The following PRR14 variants were observed in gnomAD, a reference collection of about 807,000 sequenced individuals.
PRR14 encodes proline rich 14.
In PRR14, 33 loss-of-function variants were observed where a neutral mutation model predicts 57.2. The ratio of observed to expected loss-of-function variants is 0.58; its 90% CI spans 0.44 to 0.77. The LOEUF (loss-of-function observed/expected upper bound fraction) is 0.77. Ranked by LOEUF, PRR14 falls within the 30% of genes least tolerant of loss-of-function variation. The pLI is 0.00. For synonymous variants in PRR14, 303 were observed against 314.7 expected (o/e 0.96, Z 0.39); for missense variants, 716 against 788.1 (o/e 0.91, Z 1.10).
At chr16:30,653,288 G>A (rs1185345781) in intron 5 of PRR14, 77 bp from the exon 6 acceptor site, 17 of 1,518,032 alleles carry the variant, frequency 1.1e-5, no homozygotes, top group East Asian at 2.3e-5. Flanking sequence ...CAGCTATCCG[G>A]GAACTGAAAG....
At position 30,651,695 on chromosome 16, in the gene PRR14, T is replaced by C. The variant is rs1250572253; in HGVS notation, c.23+27T>C. The stretch of plus-strand genomic sequence containing the variant: ...TGAGAGCGTACCCGGGCGGCCCGCC[T>C]GTCTTGACCCCGGGAGATGGGGATC... On this transcript the variant is annotated intron_variant, in intron 2 of 11. Transcript: ENST00000300835. This position sits in a 1 kb window ranked among gnomAD's most constrained non-coding sequence, Gnocchi z 5.0. 2 of 1,611,966 alleles carry C rather than the reference T, an allele frequency of 1.2e-6. No homozygotes were observed. The highest frequency in any genetic ancestry group is 1.1e-5 in the South Asian group (1 of 91,062).
At chr16:30,653,199 G>A in intron 5 of PRR14, 96 bp downstream of exon 5, 2 of 1,420,768 alleles carry the variant, frequency 1.4e-6, no homozygotes, top group South Asian at 1.3e-5. Context: ...TTTTTCTTGG[G>A]GTGAGGAGGA....
intron 3 of PRR14, chr16:30,652,266 G>A (rs1163124097): frequency 1.7e-6 from 1 of 582,658 alleles, no homozygotes; most frequent in South Asian, 1.5e-5. Context: ...GTCTTGCTAT[G>A]TTGCACAAGC....
chr16:30,652,512 G>A lies in PRR14; in HGVS notation c.193-209G>A, dbSNP rs2052323721. On this transcript the variant is annotated intron_variant, in intron 3 of 11. Transcript: ENST00000300835. ...TTTCATTTCTCTAAACAGCGTGGAT[G>A]AGATTACCCAGGTCCTACACCTGCA... is the stretch of plus-strand genomic sequence containing the variant. 3 of 638,350 alleles carry A rather than the reference G, an allele frequency of 4.7e-6. No individual in the cohort carries two copies. The Admixed American group carries it at 8.6e-5, about 18-fold the overall frequency. 39.5% of individuals were successfully genotyped at this position (638,350 alleles called of 1,614,324 possible). A position where few individuals can be genotyped will look rare whatever the true frequency, so the allele number is the denominator to read the frequency against.
Position 30,652,977 on chromosome 16 carries a change from C to T in PRR14, c.378C>T (p.Thr126=). 6.2e-7 allele frequency: 1 copy of T among 1,614,172 alleles called. No individual in the cohort carries two copies. Among genetic ancestry groups the T allele is most frequent in the Non-Finnish European group, 8.5e-7 (1 of 1,180,028 alleles). ...PLSRIHRTSS[T]LRRRSRTTPG... The stretch of plus-strand genomic sequence containing the variant: ...GCCGCATCCACCGGACCTCTTCCAC[C>T]CTGAGGCGGCGATCAAGGACAACCC... The change falls in exon 5 of 12, where the codon ACC becomes ACT. Residue 126 remains threonine (T), a synonymous_variant. Coordinates refer to ENST00000300835, the MANE Select transcript of PRR14 (RefSeq NM_024031.5).
At chr16:30,652,246 T>A (rs1316819872) in intron 3 of PRR14, 70 of 576,590 alleles carry the variant, frequency 1.2e-4, no homozygotes, top group South Asian at 1.2e-3. Flanking sequence ...TTTTTTTTTT[T>A]AGAGACAGGG....
chr16:30,654,226 C>G lies in PRR14; in HGVS notation c.549-4C>G, dbSNP rs368878062. 6.2e-7 allele frequency: 1 copy of G among 1,612,872 alleles called. No homozygotes were observed. The highest frequency in any genetic ancestry group is 1.7e-4 in the Middle Eastern group (1 of 6,056). ...CCTAGCCTTTACCTTGCCCTTCACC[C>G]CAGAGCTGAGCCCATGAGGATAGTT... On this transcript the variant is annotated splice_region_variant and splice_polypyrimidine_tract_variant and intron_variant, in intron 6 of 11. Transcript: ENST00000300835.
At position 30,654,787 on chromosome 16, in the gene PRR14, C is replaced by CG; in HGVS notation, c.817_818insG (p.Pro273ArgfsTer26). ...CCTCACGCCCAACAAAACCCCACAGCCCCCACCCCCGTCCCCCCCAATGAA... is the reference window on the plus strand; with the variant it reads ...CCTCACGCCCAACAAAACCCCACAGCGCCCCACCCCCGTCCCCCCCAATGAA... On this transcript the variant is annotated frameshift_variant, in exon 8 of 12. Coordinates refer to ENST00000300835, the MANE Select transcript of PRR14 (RefSeq NM_024031.5). LOFTEE classifies it high-confidence loss of function. 2 of 1,496,464 alleles carry CG rather than the reference C, an allele frequency of 1.3e-6. No individual in the cohort carries two copies. The highest frequency in any genetic ancestry group is 1.9e-6 in the Non-Finnish European group (2 of 1,078,254). 92.7% of individuals were successfully genotyped at this position (1,496,464 alleles called of 1,614,324 possible).
chr16:30,655,297 CG>C lies in PRR14; in HGVS notation c.1245-49del. The C allele has an allele frequency of 6.2e-7, 1 of 1,608,034 alleles. No individual in the cohort carries two copies. Among genetic ancestry groups the C allele is most frequent in the Non-Finnish European group, 8.5e-7 (1 of 1,174,970 alleles). ...CCCTGAGTATCCAGTGGGCAGGAGA[CG>C]GGGGATAATGCAGTGAATCCTGTTT... On this transcript the variant is annotated intron_variant, in intron 8 of 11. Transcript: ENST00000300835. The surrounding 1 kb of genome is among the most constrained non-coding windows in gnomAD (Gnocchi z 4.6).
rs1419222513 is a variant in PRR14, at chr16:30,651,866, C to G, written c.94C>G (p.Arg32Gly). The G allele has an allele frequency of 2.1e-5, 34 of 1,607,104 alleles. No homozygotes were observed. Among genetic ancestry groups the G allele is most frequent in the Non-Finnish European group, 2.9e-5 (34 of 1,178,076 alleles). ...RALWGARSPK[R>G]PRLQLPGAPS... Reference sequence around the variant, plus strand: ...ATTATGGGGAGCCAGGAGCCCGAAACGGCCGAGGCTGCAGCTCCCGGGGGC... The same window carrying G: ...ATTATGGGGAGCCAGGAGCCCGAAAGGGCCGAGGCTGCAGCTCCCGGGGGC... Residue 32 changes from arginine to glycine, a missense_variant, in exon 3 of 12, where the codon CGG (arginine) becomes GGG (glycine). Arg to Gly is a moderately radical substitution (Grantham distance 125, BLOSUM62 -2). Coordinates refer to ENST00000300835, the MANE Select transcript of PRR14 (RefSeq NM_024031.5). The surrounding 1 kb of genome is among the most constrained non-coding windows in gnomAD (Gnocchi z 5.0).
rs1301518520 is a variant in PRR14, at chr16:30,655,125, C to T, written c.1155C>T (p.Phe385=). Residue 385 remains phenylalanine, a synonymous_variant, in exon 8 of 12, where the codon TTC becomes TTT. Coordinates refer to ENST00000300835, the MANE Select transcript of PRR14 (RefSeq NM_024031.5). This position sits in a 1 kb window ranked among gnomAD's most constrained non-coding sequence, Gnocchi z 4.6. ...GGCCCTGTCTCCGGAAAGAGGTCTT[C>T]CCTCTCGGAGGAGTGGGAGCCTCCC... ...PPRPCLRKEV[F]PLGGVGASPS... The T allele has an allele frequency of 6.2e-7, 1 of 1,611,524 alleles. No homozygotes were observed. The highest frequency in any genetic ancestry group is 8.5e-7 in the Non-Finnish European group (1 of 1,179,796).
Position 30,654,844 on chromosome 16 carries a change from G to A in PRR14, c.874G>A (p.Glu292Lys), listed in dbSNP as rs1438275056. The A allele has an allele frequency of 1.3e-6, 2 of 1,529,858 alleles. No homozygotes were observed. Among genetic ancestry groups the A allele is most frequent in the Non-Finnish European group, 1.8e-6 (2 of 1,131,050 alleles). The allele number at this position is 1,529,858 out of a possible 1,614,324, so 94.8% of individuals were successfully genotyped here. A position where few individuals can be genotyped will look rare whatever the true frequency, so the allele number is the denominator to read the frequency against. Residue 292 changes from glutamate (E) to lysine (K), a missense_variant, in exon 8 of 12, where the codon GAG becomes AAG. Glu to Lys is a moderately conservative substitution (Grantham distance 56, BLOSUM62 1). Coordinates refer to ENST00000300835, the MANE Select transcript of PRR14 (RefSeq NM_024031.5). ...GTTGAAGATCGCCATCTCAGAGGCC[G>A]AGCAGTCTGGGGCTGCTGAGGGCAC... ...LELKIAISEA[E>K]QSGAAEGTAS...
At chr16:30,650,893 C>G (rs531547391), upstream of PRR14, 263 of 410,670 alleles carry the variant, frequency 6.4e-4, no homozygotes, top group Non-Finnish European at 1.1e-3. Flanking sequence ...CCATCTGGTC[C>G]CGGGCCGGGG....
In PRR14 at chr16:30,655,716, G is replaced by A. The variant is rs762532481; in HGVS notation, c.1406+123G>A. The A allele has an allele frequency of 4.7e-6, 6 of 1,287,666 alleles. No homozygotes were observed. Among genetic ancestry groups the A allele is most frequent in the Non-Finnish European group, 4.5e-6 (4 of 891,590 alleles). 79.8% of individuals were successfully genotyped at this position (1,287,666 alleles called of 1,614,324 possible). A position where few individuals can be genotyped will look rare whatever the true frequency, so the allele number is the denominator to read the frequency against. ...AGCCTGAAAGATTCAATTCGGTGTG[G>A]GGATGGTTTGTGCTCAAAATTGCCT... is the stretch of plus-strand genomic sequence containing the variant. On this transcript the variant is annotated intron_variant, in intron 10 of 11. Coordinates refer to ENST00000300835, the MANE Select transcript of PRR14 (RefSeq NM_024031.5). This position sits in a 1 kb window ranked among gnomAD's most constrained non-coding sequence, Gnocchi z 4.6.
intron 3 of PRR14, chr16:30,652,367 C>G (rs1333176190): frequency 1.8e-6 from 1 of 571,380 alleles, no homozygotes; most frequent in Non-Finnish European, 3.3e-6. Flanking sequence ...GGCCGAAACT[C>G]TTCTGCTTTC....
At position 30,653,491 on chromosome 16, in the gene PRR14, G is replaced by C. The variant is rs1429091229; in HGVS notation, c.548+83G>C. 11 of 1,375,822 alleles carry C rather than the reference G, an allele frequency of 8.0e-6. No homozygotes were observed. In the South Asian group the frequency reaches 1.3e-4, roughly 16 times the overall value. 85.2% of individuals were successfully genotyped at this position (1,375,822 alleles called of 1,614,324 possible). ...AGCCAGAGCTAGGGGCATCGGGACT[G>C]ACTGATCCAATCCTTCCTTGTGGCA... On this transcript the variant is annotated intron_variant, in intron 6 of 11. Transcript: ENST00000300835.
At chr16:30,650,902 G>C (rs1037942093), upstream of PRR14, 1 of 425,178 alleles carries the variant, frequency 2.4e-6, no homozygotes, top group African/African-American at 2.0e-5. Flanking sequence ...CCCGGGCCGG[G>C]GGAGACCGCT....
intron 3 of PRR14, chr16:30,652,331 G>T: frequency 1.8e-6 from 1 of 570,416 alleles, no homozygotes; most frequent in Admixed American, 2.2e-5. Context: ...AAAGTATTGG[G>T]ATTACAGGCG....
In PRR14 at chr16:30,655,707, T is replaced by C; in HGVS notation, c.1406+114T>C. 1 of 1,295,014 alleles carries C rather than the reference T, an allele frequency of 7.7e-7. No individual in the cohort carries two copies. 80.2% of individuals were successfully genotyped at this position (1,295,014 alleles called of 1,614,324 possible). A position where few individuals can be genotyped will look rare whatever the true frequency, so the allele number is the denominator to read the frequency against. ...GCACAGTCCAGCCTGAAAGATTCAA[T>C]TCGGTGTGGGGATGGTTTGTGCTCA... On this transcript the variant is annotated intron_variant, in intron 10 of 11. Coordinates refer to ENST00000300835, the MANE Select transcript of PRR14 (RefSeq NM_024031.5). This position sits in a 1 kb window ranked among gnomAD's most constrained non-coding sequence, Gnocchi z 4.6.
Sources: gnomAD v4.1 joint callset for allele counts on GRCh38, gnomAD v4.1.1 for gene constraint, Gnocchi (gnomAD v3.1) non-coding constraint, MANE v1.5 for transcripts, NCBI Gene and HGNC (gene_info 2026-07-23, HGNC 2026-07-21) for gene names.